RFC3: variants seen among roughly 807,000 people sequenced by gnomAD.
RFC3 encodes A1 38 kDa subunit.
RFC3 carries 41 observed loss-of-function variants against 45.1 expected under a neutral mutation model. That is an observed-to-expected ratio of 0.91 (90% CI 0.71 to 1.18). The LOEUF (loss-of-function observed/expected upper bound fraction) is 1.18, where lower values mean the gene tolerates loss of function less well. Among genes scored for constraint, RFC3 ranks in the 50% most tolerant of loss-of-function variants. RFC3 has a pLI of 0.00. For missense variants in RFC3, 423 were observed against 428.1 expected (o/e 0.99, Z 0.10); for synonymous variants, 149 against 144.0 (o/e 1.03, Z -0.25).
intron 8 of RFC3, among the ~76,000 whole-genome samples, chr13:33,857,351 G>A (rs1324263684): frequency 1.3e-5 from 2 of 152,170 alleles, no homozygotes; most frequent in Non-Finnish European, 1.5e-5. Flanking sequence ...ACTCAAAGCT[G>A]ACATATGGAA....
At chr13:33,848,735 G>C (rs2082256447) in intron 8 of RFC3, 1 of 151,830 alleles carries the variant, frequency 6.6e-6, no homozygotes, top group African/African-American at 2.4e-5. Context: ...GGTATACTCA[G>C]ATGAGCATAA....
At chr13:33,952,317 C>T (rs2082995872) in intron 8 of RFC3, among the ~76,000 whole-genome samples, 4 of 152,132 alleles carry the variant, frequency 2.6e-5, no homozygotes, top group Non-Finnish European at 5.9e-5. Flanking sequence ...AAATCTCTTT[C>T]TGAATTGATC....
intron 8 of RFC3, among the ~76,000 whole-genome samples, chr13:33,868,272 G>A (rs1430441930): frequency 6.6e-6 from 1 of 152,152 alleles, no homozygotes; most frequent in African/African-American, 2.4e-5. Context: ...GAGTCTTGGT[G>A]GAAGGGAGGC....
intron 8 of RFC3, among the ~76,000 whole-genome samples, chr13:33,897,928 A>G: frequency 6.6e-6 from 1 of 151,944 alleles, no homozygotes; most frequent in Non-Finnish European, 1.5e-5. Context: ...AAACATTAAC[A>G]ATTGCCTGTA....
intron 1 of RFC3, among the ~76,000 whole-genome samples, chr13:33,818,631 C>T (rs1164318959): frequency 6.6e-6 from 1 of 152,142 alleles, no homozygotes; most frequent in African/African-American, 2.4e-5. Context: ...GGTGAACCAG[C>T]GGGAAGGGTA....
At chr13:33,831,401 CATA>C (rs767278545) in intron 7 of RFC3, 47 bp downstream of exon 7, 9 of 942,430 alleles carry the variant, frequency 9.5e-6, no homozygotes, top group Non-Finnish European at 1.6e-5. Flanking sequence ...ATCAGGATAT[CATA>C]GGACACATAT....
downstream of RFC3, among the ~76,000 whole-genome samples, chr13:33,840,647 C>T (rs1470020094): frequency 1.3e-5 from 2 of 150,390 alleles, no homozygotes; most frequent in Non-Finnish European, 3.0e-5. Flanking sequence ...TACAGTTGAT[C>T]CTTGAACTAC....
In RFC3 at chr13:33,904,973, A is replaced by G. The variant is rs2082663389; in HGVS notation, c.880-61114A>G. ...CTGTAGAGAAAAACAATGGAATGAT[A>G]AATACAAAATTGAAGGCAGCAATTA... is the stretch of plus-strand genomic sequence containing the variant. On this transcript the variant is annotated intron_variant, in intron 8 of 8. Transcript: ENST00000434425. Among the ~76,000 whole-genome samples, 3 of 152,118 alleles carry G rather than the reference A, an allele frequency of 2.0e-5. 1 individual carries two copies. Among genetic ancestry groups the G allele is most frequent in the Non-Finnish European group, 2.9e-5 (2 of 67,998 alleles).
intron 2 of RFC3, 140 bp from the exon 3 acceptor site, chr13:33,823,777 G>C: frequency 1.9e-6 from 1 of 513,196 alleles, no homozygotes. Flanking sequence ...AGAAAAGAGT[G>C]GGATTAACAA....
chr13:33,954,893 C>T (rs1442970944), intron 8 of RFC3, among the ~76,000 whole-genome samples: 1 of 152,212 alleles, frequency 6.6e-6, no homozygotes, highest in African/African-American at 2.4e-5. Flanking sequence ...CTTCAGTCCA[C>T]AGCAAAGCCC....
Position 33,836,469 on chromosome 13 carries a change from C to G in RFC3, c.*174C>G. On this transcript the variant is annotated 3_prime_UTR_variant, in exon 9 of 9. Transcript: ENST00000380071. ...TCTGAGTTAAATAATTGCTCCTATA[C>G]TATTGAAGTATGTAGTTTTGTACAT... 3.6e-6 allele frequency: 5 copies of G among 1,390,832 alleles called. No individual in the cohort carries two copies. Among genetic ancestry groups the G allele is most frequent in the Non-Finnish European group, 4.7e-6 (5 of 1,071,944 alleles). 86.2% of individuals were successfully genotyped at this position (1,390,832 alleles called of 1,614,324 possible).
At chr13:33,842,651 G>C (rs1593629670) in intron 8 of RFC3, among the ~76,000 whole-genome samples, 2 of 152,170 alleles carry the variant, frequency 1.3e-5, no homozygotes, top group East Asian at 3.9e-4. Context: ...TGTAGGGTGG[G>C]AAGGAAGGTT....
rs900840299 is a variant in RFC3, at chr13:33,951,202, C to G, written c.880-14885C>G. On this transcript the variant is annotated intron_variant, in intron 8 of 8. Coordinates refer to the RFC3 transcript ENST00000434425. ...ATGGAAGAGGTCACATTTAAGTGCT[C>G]TTTGCATATCACTGGGTATACTATA... Among the ~76,000 whole-genome samples the G allele has an allele frequency of 9.3e-5, 14 of 150,508 alleles. 1 individual carries two copies. Among genetic ancestry groups the G allele is most frequent in the Admixed American group, 6.0e-4 (9 of 15,098 alleles).
intron 4 of RFC3, among the ~76,000 whole-genome samples, chr13:33,827,275 C>T (rs769970933): frequency 9.2e-5 from 14 of 151,978 alleles, no homozygotes; most frequent in South Asian, 2.1e-4. Context: ...GGTGACAGAG[C>T]GAGACTATAT....
chr13:33,907,823 A>G (rs2082680402), intron 8 of RFC3, among the ~76,000 whole-genome samples: 1 of 152,140 alleles, frequency 6.6e-6, no homozygotes, highest in Non-Finnish European at 1.5e-5. Flanking sequence ...GTTAAATAGC[A>G]AGGAAAGCAT....
At position 33,899,204 on chromosome 13, in the gene RFC3, C is replaced by CAAAAAAAAAAA. The variant is rs59221382; in HGVS notation, c.879+64002_879+64012dup. ...AAAACCAGACGAAGACACAATAAGACAAAAAAAAAAAAAAAAAAAAAAAAA... is the reference window on the plus strand; with the variant it reads ...AAAACCAGACGAAGACACAATAAGACAAAAAAAAAAAAAAAAAAAAAAAAAAAAAAAAAAAA... On this transcript the variant is annotated intron_variant, in intron 8 of 8. Coordinates refer to the RFC3 transcript ENST00000434425. Among the ~76,000 whole-genome samples the CAAAAAAAAAAA allele has an allele frequency of 4.9e-3, 255 of 51,978 alleles. 3 individuals carry two copies. Among genetic ancestry groups the CAAAAAAAAAAA allele is most frequent in the Middle Eastern group, 0.031 (1 of 32 alleles). The allele number at this position is 51,978 out of a possible 152,430, so 34.1% of individuals were successfully genotyped here.
chr13:33,951,649 G>A (rs1384904698), intron 8 of RFC3, among the ~76,000 whole-genome samples: 2 of 152,140 alleles, frequency 1.3e-5, no homozygotes, highest in African/African-American at 4.8e-5. Flanking sequence ...TCCACAGGCA[G>A]CCTTCTGGAA....
intron 7 of RFC3, among the ~76,000 whole-genome samples, chr13:33,832,511 A>C (rs1367939912): frequency 3.3e-5 from 5 of 152,220 alleles, no homozygotes; most frequent in Non-Finnish European, 7.4e-5. Flanking sequence ...ATAGTGGATC[A>C]TACATAGTGG....
intron 8 of RFC3, among the ~76,000 whole-genome samples, chr13:33,881,407 A>G (rs1453491582): frequency 6.6e-6 from 1 of 152,214 alleles, no homozygotes; most frequent in Non-Finnish European, 1.5e-5. Flanking sequence ...AAGATAAAGC[A>G]CAGTACCTAC....
Sources: allele counts gnomAD v4.1 joint callset (sites outside exome capture counted in the v4.1 genomes callset), GRCh38; gene constraint gnomAD v4.1.1; transcripts MANE v1.5; gene names NCBI Gene and HGNC (gene_info 2026-07-23, HGNC 2026-07-21).